SYNE2: variants seen among roughly 807,000 people sequenced by gnomAD.
The protein encoded by SYNE2 is nesprin-2.
A neutral mutation model predicts 856.3 loss-of-function variants in SYNE2; 431 were observed. That is an observed-to-expected ratio of 0.50 (90% confidence interval 0.47 to 0.55). The LOEUF (loss-of-function observed/expected upper bound fraction) is 0.55, where lower values mean the gene tolerates loss of function less well. Ranked by LOEUF, SYNE2 falls within the 20% of genes least tolerant of loss-of-function variation. The pLI is 0.00. For synonymous variants in SYNE2, 2,923 were observed against 2,872.3 expected (o/e 1.02, Z -0.56); for missense variants, 8,129 against 8,023.2 (o/e 1.01, Z -0.50).
intron 1 of SYNE2, among the ~76,000 whole-genome samples, chr14:63,883,063 T>G (rs1165737231): frequency 6.6e-6 from 1 of 152,088 alleles, no homozygotes; most frequent in Non-Finnish European, 1.5e-5. Flanking sequence ...TACATTTTAT[T>G]TATTTATTTT....
rs562908678 is a variant in SYNE2, at chr14:63,842,827, G to C, written c.-304-9674G>C. Among the ~76,000 whole-genome samples, 10 of 152,194 alleles carry C rather than the reference G, an allele frequency of 6.6e-5. No individual in the cohort carries two copies. The South Asian group carries it at 2.1e-3, about 32-fold the overall frequency. On this transcript the variant is annotated intron_variant, in intron 1 of 23. Coordinates refer to the SYNE2 transcript ENST00000674003. ...ATATTTGCCTTATCCAAGAACAAAG[G>C]ATCCTTTTTGTTTGTTCAGGGTTAC...
Position 64,122,019 on chromosome 14 carries a change from A to C in SYNE2, c.13166A>C (p.Glu4389Ala). The C allele has an allele frequency of 6.2e-7, 1 of 1,613,616 alleles. No individual in the cohort carries two copies. ...AATCTCATTCAATTACAGGTTCTGG[A>C]GTTAAAACCAATGGAACAGAAAGAT... ...QKDFQQQQVLELKPMEQKDFI... is the reference protein window; with the variant it reads ...QKDFQQQQVLALKPMEQKDFI... Residue 4389 changes from glutamate (E) to alanine (A), a missense_variant, in exon 69 of 116, where the codon GAG (glutamate) becomes GCG (alanine). Physicochemically the swap from Glu to Ala is moderately radical, Grantham distance 107. This residue lies in a region of SYNE2 where 5,410 missense variants were observed against 5,284.8 expected (regional missense o/e 1.02). Transcript: ENST00000555002.
intron 1 of SYNE2, among the ~76,000 whole-genome samples, chr14:63,865,724 C>CCAAA (rs1555352398): frequency 2.3e-4 from 22 of 95,410 alleles, no homozygotes; most frequent in South Asian, 3.8e-4. Context: ...ACCCCCCCCC[C>CCAAA]AAAAAAAAAG....
At position 63,942,623 on chromosome 14, in the gene SYNE2, G is replaced by C. The variant is rs543205446; in HGVS notation, c.408+480G>C. ...TGATTCTTCTGCCTCAGCCTCCCGA[G>C]TAGCTGGGATTACAGACATGCACCA... On this transcript the variant is annotated intron_variant, in intron 6 of 115. Transcript: ENST00000555002. 4.6e-5 allele frequency among the ~76,000 whole-genome samples: 7 copies of C among 152,226 alleles called. No homozygotes were observed. In the South Asian group the frequency reaches 1.5e-3, roughly 32 times the overall value.
Position 64,113,354 on chromosome 14 carries a change from C to G in SYNE2, c.12623C>G (p.Pro4208Arg). ...PNQTEEGTTP[P>R]IEADTLDSSD... ...GATTTCTCTTAGGGCACCACACCTC[C>G]TATTGAGGCTGACACTCTGGACTCT... is the stretch of plus-strand genomic sequence containing the variant. Residue 4208 changes from proline (P) to arginine (R), a missense_variant, in exon 66 of 116, where the codon CCT (proline) becomes CGT (arginine). Pro to Arg is a moderately radical substitution (Grantham distance 103). Coordinates refer to ENST00000555002, the MANE Select transcript of SYNE2 (RefSeq NM_182914.3). The G allele has an allele frequency of 6.2e-7, 1 of 1,613,926 alleles. No homozygotes were observed. The highest frequency in any genetic ancestry group is 8.5e-7 in the Non-Finnish European group (1 of 1,180,034).
intron 102 of SYNE2, 144 bp downstream of exon 102, chr14:64,209,722 T>C: frequency 7.8e-7 from 1 of 1,280,428 alleles, no homozygotes; most frequent in South Asian, 1.3e-5. Flanking sequence ...CCCCAGCTGC[T>C]GAGACAGCTT....
At position 63,815,205 on chromosome 14, in the gene SYNE2, C is replaced by CATATATATATGGATATATATATATAT. The variant is rs1316734811; in HGVS notation, c.-304-37286_-304-37285insGGATATATATATATATATATATATAT. ...CCATATATATATCCATATATATATC[C>CATATATATATGGATATATATATATAT]ATATATATATCCATATATATATCCA... On this transcript the variant is annotated intron_variant, in intron 1 of 23. Transcript: ENST00000674003. 1.1e-4 allele frequency among the ~76,000 whole-genome samples: 10 copies of CATATATATATGGATATATATATATAT among 94,612 alleles called. No individual in the cohort carries two copies. In the Admixed American group the frequency reaches 1.1e-3, roughly 11 times the overall value. 62.1% of individuals were successfully genotyped at this position (94,612 alleles called of 152,430 possible).
chr14:63,988,324 C>T lies in SYNE2; in HGVS notation c.2313+1707C>T, dbSNP rs530756185. Among the ~76,000 whole-genome samples, 28 of 152,310 alleles carry T rather than the reference C, an allele frequency of 1.8e-4. 2 individuals carry two copies. The South Asian group carries it at 4.6e-3, about 25-fold the overall frequency. On this transcript the variant is annotated intron_variant, in intron 19 of 115. Coordinates refer to ENST00000555002, the MANE Select transcript of SYNE2 (RefSeq NM_182914.3). ...AACTCCTGGGCTCAAGTGATTTGCC[C>T]GCCTCAGCCCCTCAAAGTGCTGGGA...
rs545819723 is a variant in SYNE2 at position 63,903,887 on chromosome 14, A to G, written c.-51-5211A>G. Among the ~76,000 whole-genome samples, 54 of 151,810 alleles carry G rather than the reference A, an allele frequency of 3.6e-4. 2 individuals are homozygous for G. The South Asian group carries it at 9.8e-3, about 28-fold the overall frequency. The stretch of plus-strand genomic sequence containing the variant: ...CTTTTATTTTAGATACAGAGGGCAC[A>G]TGTGCAGGTTTGTAACATGGGTATA... On this transcript the variant is annotated intron_variant, in intron 1 of 115. Transcript: ENST00000555002.
intron 30 of SYNE2, among the ~76,000 whole-genome samples, chr14:64,004,864 G>A (rs911142715): frequency 1.3e-5 from 2 of 152,204 alleles, no homozygotes; most frequent in African/African-American, 4.8e-5. Flanking sequence ...GACACAGCAA[G>A]ACCCTCTCTC....
intron 61 of SYNE2, chr14:64,094,982 T>G (rs1343069407): frequency 5.9e-6 from 1 of 168,582 alleles, no homozygotes; most frequent in Non-Finnish European, 1.5e-5. Context: ...CAAATAGTAA[T>G]GAGAAGAGTG....
intron 1 of SYNE2, among the ~76,000 whole-genome samples, chr14:63,809,220 C>T (rs1318604586): frequency 6.7e-6 from 1 of 148,814 alleles, no homozygotes; most frequent in East Asian, 2.0e-4. Context: ...TTGTGTTCTA[C>T]GTTTAAAAAA....
intron 103 of SYNE2, among the ~76,000 whole-genome samples, chr14:64,210,917 TTC>T (rs1004118747): frequency 2.0e-5 from 3 of 152,084 alleles, no homozygotes; most frequent in African/African-American, 7.2e-5. Flanking sequence ...TTGCATTTCT[TTC>T]TGTCTCTCTC....
intron 1 of SYNE2, among the ~76,000 whole-genome samples, chr14:63,876,028 C>A (rs902865639): frequency 2.0e-5 from 3 of 150,912 alleles, no homozygotes; most frequent in African/African-American, 7.3e-5. Flanking sequence ...ACCAGGATCA[C>A]CCCAGCGATT....
chr14:64,122,129 G>A lies in SYNE2; in HGVS notation c.13276G>A (p.Ala4426Thr), dbSNP rs1338199391. ...TAACGATACAACTCAGGAATCATCT[G>A]CAAGGTAAAACATTTAAAAATAGAG... ...HDNDTTQESSASNQASSPEND... is the reference protein window; with the variant it reads ...HDNDTTQESSTSNQASSPEND... Residue 4426 changes from alanine (A) to threonine (T), a missense_variant, in exon 69 of 116, where the codon GCA becomes ACA. Ala to Thr is a moderately conservative substitution (Grantham distance 58, BLOSUM62 0). Transcript: ENST00000555002. 1 of 1,614,130 alleles carries A rather than the reference G, an allele frequency of 6.2e-7. No homozygotes were observed. The highest frequency in any genetic ancestry group is 1.1e-5 in the South Asian group (1 of 91,082).
At chr14:63,842,588 G>A (rs1207651030) in intron 1 of SYNE2, among the ~76,000 whole-genome samples, 6 of 151,624 alleles carry the variant, frequency 4.0e-5, no homozygotes, top group Non-Finnish European at 4.4e-5. Context: ...AGCCTTCTGA[G>A]TAGCTGGGAT....
At chr14:63,788,581 C>T (rs2072025565) in intron 1 of SYNE2, among the ~76,000 whole-genome samples, 1 of 152,078 alleles carries the variant, frequency 6.6e-6, no homozygotes, top group Admixed American at 6.5e-5. Flanking sequence ...GCAGGAGGCC[C>T]AGGTCTACAG....
chr14:63,910,202 CAT>C lies in SYNE2; in HGVS notation c.79+977_79+978del, dbSNP rs1397793586. 5.3e-5 allele frequency among the ~76,000 whole-genome samples: 8 copies of C among 152,274 alleles called. No homozygotes were observed. In the East Asian group the frequency reaches 1.5e-3, roughly 29 times the overall value. ...GCATTTTTAGAATGTTACTCAAAGT[CAT>C]AGATTCTGAGTCATTTATGGTAAAG... is the stretch of plus-strand genomic sequence containing the variant. On this transcript the variant is annotated intron_variant, in intron 2 of 115. Coordinates refer to ENST00000555002, the MANE Select transcript of SYNE2 (RefSeq NM_182914.3).
chr14:63,899,038 C>A (rs1315210244), intron 1 of SYNE2, among the ~76,000 whole-genome samples: 1 of 152,142 alleles, frequency 6.6e-6, no homozygotes, highest in Non-Finnish European at 1.5e-5. Flanking sequence ...ATAGTTAACT[C>A]TCCATTCCCT....
Sources: allele counts gnomAD v4.1 joint callset (sites outside exome capture counted in the v4.1 genomes callset), GRCh38; gene constraint gnomAD v4.1.1; regional missense constraint gnomAD v4.1.1; transcripts MANE v1.5; gene names NCBI Gene and HGNC (gene_info 2026-07-23, HGNC 2026-07-21).